Variants in PCDHGA1 observed in about 807,000 individuals in gnomAD.
The protein encoded by PCDHGA1 is protocadherin gamma subfamily A, 1, also known as protocadherin gamma-A1.
PCDHGA1 carries 32 observed loss-of-function variants against 58.0 expected under a neutral mutation model. The ratio of observed to expected loss-of-function variants is 0.55; its 90% CI spans 0.42 to 0.74. PCDHGA1 has a LOEUF of 0.74. PCDHGA1 is among the 30% of genes least tolerant of loss of function. The pLI, the probability that PCDHGA1 is intolerant of heterozygous loss-of-function variation, is 0.00. For missense variants in PCDHGA1, 1,205 were observed against 1,182.3 expected (o/e 1.02, Z -0.28); for synonymous variants, 498 against 501.1 (o/e 0.99, Z 0.08).
chr5:141,384,444 C>T lies in PCDHGA1; in HGVS notation c.2421+51339C>T, dbSNP rs751427123. 2.5e-5 allele frequency: 41 copies of T among 1,613,906 alleles called. No individual in the cohort carries two copies. The Admixed American group carries it at 5.0e-4, about 20-fold the overall frequency. ...TAAACTCTGACACTGGAGTCCTGTA[C>T]GCGCTGCAATCCTTTGATTATGAGC... On this transcript the variant is annotated intron_variant, in intron 1 of 3. Transcript: ENST00000517417.
chr5:141,494,927 G>A, intron 2 of PCDHGA1, 62 bp downstream of exon 2: 1 of 1,613,516 alleles, frequency 6.2e-7, no homozygotes, highest in Non-Finnish European at 8.5e-7. Flanking sequence ...GATGACGTGG[G>A]AGGAGATGGG....
chr5:141,461,355 G>A (rs993200082), intron 1 of PCDHGA1, among the ~76,000 whole-genome samples: 3 of 152,022 alleles, frequency 2.0e-5, no homozygotes, highest in Non-Finnish European at 2.9e-5. Flanking sequence ...GTGGTAGCTC[G>A]TTGTGGTTTT....
chr5:141,394,428 G>A lies in PCDHGA1; in HGVS notation c.2421+61323G>A, dbSNP rs199658498. On this transcript the variant is annotated intron_variant, in intron 1 of 3. Coordinates refer to ENST00000517417, the MANE Select transcript of PCDHGA1 (RefSeq NM_018912.3). ...ACTGGTAACAGCCAGCGACAGCGGG[G>A]ACCCGCCCCTCAGCAGCAACATGTC... 332 of 1,614,232 alleles carry A rather than the reference G, an allele frequency of 2.1e-4. 3 individuals are homozygous for A. In the African/African-American group the frequency reaches 4.0e-3, roughly 19 times the overall value.
At chr5:141,505,143 CAG>C (rs1332770308) in intron 2 of PCDHGA1, among the ~76,000 whole-genome samples, 1 of 152,172 alleles carries the variant, frequency 6.6e-6, no homozygotes, top group Non-Finnish European at 1.5e-5. Context: ...GCCTGGATGA[CAG>C]AGTAAGACCC....
chr5:141,382,792 T>C (rs993602404), intron 1 of PCDHGA1: 3 of 949,494 alleles, frequency 3.2e-6, no homozygotes, highest in Middle Eastern at 2.2e-4. Flanking sequence ...GCCTCTATCC[T>C]GCTGGATTCT....
At chr5:141,415,739 G>GTT (rs1561759437) in intron 1 of PCDHGA1, 11 of 435,132 alleles carry the variant, frequency 2.5e-5, no homozygotes, top group African/African-American at 1.6e-4. Flanking sequence ...TGTTTATTAA[G>GTT]GTTTTTTTTT....
At chr5:141,452,948 G>A (rs2098752873) in intron 1 of PCDHGA1, among the ~76,000 whole-genome samples, 1 of 152,134 alleles carries the variant, frequency 6.6e-6, no homozygotes, top group African/African-American at 2.4e-5. Context: ...CTTGCAATTG[G>A]TTGTCTTTAA....
chr5:141,409,045 C>T (rs1228603483), intron 1 of PCDHGA1: 1 of 1,613,878 alleles, frequency 6.2e-7, no homozygotes, highest in Non-Finnish European at 8.5e-7. Flanking sequence ...ACTACTACTT[C>T]CGAAGCACTG....
chr5:141,475,424 T>C (rs2099363271), intron 1 of PCDHGA1, among the ~76,000 whole-genome samples: 1 of 152,244 alleles, frequency 6.6e-6, no homozygotes, highest in African/African-American at 2.4e-5. Context: ...CTCCTGCTAA[T>C]TTGATAGTAG....
At chr5:141,373,229 A>C (rs941177727) in intron 1 of PCDHGA1, among the ~76,000 whole-genome samples, 5 of 152,240 alleles carry the variant, frequency 3.3e-5, no homozygotes, top group Non-Finnish European at 7.3e-5. Flanking sequence ...CCTGTATATA[A>C]TATTTTTACT....
intron 1 of PCDHGA1, chr5:141,366,026 G>A (rs1435351419): frequency 4.3e-6 from 7 of 1,614,094 alleles, no homozygotes; most frequent in Non-Finnish European, 5.1e-6. Flanking sequence ...CCTGTACCCC[G>A]CCCTCCCCAC....
At position 141,476,294 on chromosome 5, in the gene PCDHGA1, A is replaced by T. The variant is rs376905832; in HGVS notation, c.2422-18513A>T. On this transcript the variant is annotated intron_variant, in intron 1 of 3. Coordinates refer to ENST00000517417, the MANE Select transcript of PCDHGA1 (RefSeq NM_018912.3). The surrounding 1 kb of genome is among the most constrained non-coding windows in gnomAD (Gnocchi z 7.6). ...CGCGAACCTTGGTTTGGATCTCGGT[A>T]GCCTCTCAGCCCGCAGGTTCCGGGT... is the stretch of plus-strand genomic sequence containing the variant. 2 of 1,613,036 alleles carry T rather than the reference A, an allele frequency of 1.2e-6. No homozygotes were observed. The highest frequency in any genetic ancestry group is 1.7e-6 in the Non-Finnish European group (2 of 1,179,642).
At chr5:141,374,580 C>T (rs745902303) in intron 1 of PCDHGA1, 1 of 1,613,706 alleles carries the variant, frequency 6.2e-7, no homozygotes, top group Non-Finnish European at 8.5e-7. Context: ...GGAATGAACT[C>T]CCTTCAGGGA....
chr5:141,418,840 C>A, intron 1 of PCDHGA1: 1 of 1,614,006 alleles, frequency 6.2e-7, no homozygotes, highest in Non-Finnish European at 8.5e-7. Context: ...GAGGATCTCT[C>A]TCAACACGGT....
intron 1 of PCDHGA1, chr5:141,350,940 T>A (rs1185001853): frequency 6.2e-7 from 1 of 1,614,094 alleles, no homozygotes; most frequent in South Asian, 1.1e-5. Context: ...CATATCTGGA[T>A]CCGAGTTACG....
chr5:141,345,905 C>A (rs552587482), intron 1 of PCDHGA1: 4 of 1,612,540 alleles, frequency 2.5e-6, no homozygotes, highest in East Asian at 2.2e-5. Flanking sequence ...TGCACACGGG[C>A]GAGGTGCGCA....
rs746166561 is a variant in PCDHGA1 at position 141,332,740 on chromosome 5, G to A, written c.2056G>A (p.Asp686Asn). ...GSLEPSAKPN[D>N]SDLTLYLVVA... ...CCTCGAGCCCTCCGCCAAACCCAAC[G>A]ATTCGGACCTCACTCTGTACCTGGT... Residue 686 changes from aspartate (D) to asparagine (N), a missense_variant, in exon 1 of 4, where the codon GAT (aspartate) becomes AAT (asparagine). Asp to Asn is a conservative substitution (Grantham distance 23, BLOSUM62 1). Transcript: ENST00000517417. The surrounding 1 kb of genome is among the most constrained non-coding windows in gnomAD (Gnocchi z 4.6). 1 of 1,613,966 alleles carries A rather than the reference G, an allele frequency of 6.2e-7. No individual in the cohort carries two copies. The highest frequency in any genetic ancestry group is 2.2e-5 in the East Asian group (1 of 44,888).
At chr5:141,355,220 G>A (rs753002448) in intron 1 of PCDHGA1, 1 of 1,607,994 alleles carries the variant, frequency 6.2e-7, no homozygotes, top group Non-Finnish European at 8.5e-7. Context: ...CCTCCTGCTC[G>A]CCCAGACCAC....
intron 1 of PCDHGA1, among the ~76,000 whole-genome samples, chr5:141,348,150 C>T (rs1758074926): frequency 6.6e-6 from 1 of 152,096 alleles, no homozygotes; most frequent in Admixed American, 6.5e-5. Context: ...TGAGAGTTAT[C>T]CAAAATTAGA....
Sources: allele counts gnomAD v4.1 joint callset (sites outside exome capture counted in the v4.1 genomes callset), GRCh38; gene constraint gnomAD v4.1.1; non-coding constraint Gnocchi (gnomAD v3.1); transcripts MANE v1.5; gene names NCBI Gene and HGNC (gene_info 2026-07-23, HGNC 2026-07-21).